Variants in SMC5 observed in about 807,000 individuals in gnomAD.
The protein encoded by SMC5 is structural maintenance of chromosomes 5, also known as structural maintenance of chromosomes protein 5.
A neutral mutation model predicts 148.3 loss-of-function variants in SMC5; 88 were observed. The observed-to-expected ratio is 0.59, with a 90% CI of 0.50 to 0.71. The LOEUF (loss-of-function observed/expected upper bound fraction) is 0.71. Ranked by LOEUF, SMC5 falls within the 30% of genes least tolerant of loss-of-function variation. SMC5 has a pLI of 0.00. For synonymous variants in SMC5, 421 were observed against 432.8 expected, an observed-to-expected ratio of 0.97 and a Z score of 0.34; for missense variants, 1,142 against 1,298.9, an observed-to-expected ratio of 0.88 and a Z score of 1.86.
chr9:70,280,022 A>AT, intron 5 of SMC5, among the ~76,000 whole-genome samples: 1 of 152,180 alleles, frequency 6.6e-6, no homozygotes, highest in South Asian at 2.1e-4. Context: ...ATTAAATGTT[A>AT]TTTTTTACCT....
intron 17 of SMC5, among the ~76,000 whole-genome samples, chr9:70,326,840 CTG>C (rs1295362676): frequency 6.6e-6 from 1 of 151,508 alleles, no homozygotes; most frequent in East Asian, 1.9e-4. Flanking sequence ...CTATAAAACA[CTG>C]TAATGATTCT....
intron 8 of SMC5, chr9:70,286,717 CTTTT>C (rs34919823): frequency 4.3e-5 from 5 of 117,466 alleles, no homozygotes; most frequent in Non-Finnish European, 7.0e-5. Flanking sequence ...AACTTTTCGT[CTTTT>C]TTTTTTTTTT....
At chr9:70,345,624 T>C (rs1427006650) in intron 18 of SMC5, among the ~76,000 whole-genome samples, 2 of 151,744 alleles carry the variant, frequency 1.3e-5, no homozygotes, top group East Asian at 3.9e-4. Flanking sequence ...ATAAAAGGAA[T>C]CTCATTGGGG....
rs748698258 is a variant in SMC5, at chr9:70,278,673, T to A, written c.678+48T>A. On this transcript the variant is annotated intron_variant, in intron 5 of 24. Coordinates refer to ENST00000361138, the MANE Select transcript of SMC5 (RefSeq NM_015110.4). ...TTGTATTGTTTCTTATTGATTTCTG[T>A]ATCTCAGAACATGGGAGAGAGAGTA... 10 of 1,546,326 alleles carry A rather than the reference T, an allele frequency of 6.5e-6. No homozygotes were observed. In the South Asian group the frequency reaches 8.6e-5, roughly 13 times the overall value.
chr9:70,298,303 T>A, intron 9 of SMC5, 82 bp downstream of exon 9: 1 of 1,430,954 alleles, frequency 7.0e-7, no homozygotes, highest in Admixed American at 2.4e-5. Flanking sequence ...CTTCTATAAT[T>A]ATTTCTATAA....
chr9:70,326,204 A>G (rs1388762503), intron 17 of SMC5, among the ~76,000 whole-genome samples: 1 of 152,100 alleles, frequency 6.6e-6, no homozygotes, highest in African/African-American at 2.4e-5. Context: ...GAGATTGAGA[A>G]AGCTTTAAAA....
intron 17 of SMC5, among the ~76,000 whole-genome samples, chr9:70,338,148 C>G (rs1350810143): frequency 6.6e-6 from 1 of 151,932 alleles, no homozygotes; most frequent in Non-Finnish European, 1.5e-5. Context: ...TTCCAGGTAT[C>G]TAGGACTACA....
intron 20 of SMC5, 35 bp downstream of exon 20, chr9:70,347,196 A>G (rs750048778): frequency 4.7e-6 from 7 of 1,474,888 alleles, no homozygotes; most frequent in Admixed American, 1.7e-5. Context: ...TCTGCATCCA[A>G]CCACCACCAC....
rs2034731240 is a variant in SMC5, at chr9:70,280,835, G to A, written c.755G>A (p.Arg252Lys). 3 of 1,613,810 alleles carry A rather than the reference G, an allele frequency of 1.9e-6. No individual in the cohort carries two copies. The highest frequency in any genetic ancestry group is 1.3e-5 in the African/African-American group (1 of 74,906). Residue 252 changes from arginine to lysine, a missense_variant, in exon 6 of 25, where the codon AGG becomes AAG. Arg to Lys is a conservative substitution (Grantham distance 26). Around this residue, in one of 5 missense-constraint regions of SMC5, gnomAD observed 297 missense variants for 302.6 expected, o/e 0.98. Transcript: ENST00000361138. Reference sequence around the variant, plus strand: ...GAAAGATATAAACAAGATGTGGAGAGGTTCTATGAACGGAAGCGACATTTA... The same window carrying A: ...GAAAGATATAAACAAGATGTGGAGAAGTTCTATGAACGGAAGCGACATTTA... ...RNERYKQDVE[R>K]FYERKRHLDL...
rs1587687885 is a variant in SMC5, at chr9:70,318,982, A to C, written c.2150+19A>C. Reference sequence around the variant, plus strand: ...TAGGAAGGTATCTTTTAGCCTATTCAGGGGGGAGAGCACAAATTACTGTAT... The same window carrying C: ...TAGGAAGGTATCTTTTAGCCTATTCCGGGGGGAGAGCACAAATTACTGTAT... On this transcript the variant is annotated intron_variant, in intron 15 of 24. Transcript: ENST00000361138. The C allele has an allele frequency of 6.3e-7, 1 of 1,585,868 alleles. No individual in the cohort carries two copies. The highest frequency in any genetic ancestry group is 1.4e-5 in the African/African-American group (1 of 73,186).
At chr9:70,294,045 C>T (rs2035133382) in intron 8 of SMC5, among the ~76,000 whole-genome samples, 1 of 151,998 alleles carries the variant, frequency 6.6e-6, no homozygotes, top group Non-Finnish European at 1.5e-5. Flanking sequence ...TAGGTAGCTA[C>T]ATGGAGTCTC....
chr9:70,346,328 G>C (rs2118829612), intron 18 of SMC5: 1 of 426,586 alleles, frequency 2.3e-6, no homozygotes, highest in East Asian at 3.6e-5. Context: ...ATCTTTTTCA[G>C]GGTTTCAGGA....
At chr9:70,334,662 CTT>C (rs1278509320) in intron 17 of SMC5, among the ~76,000 whole-genome samples, 2 of 151,984 alleles carry the variant, frequency 1.3e-5, no homozygotes, top group African/African-American at 2.4e-5. Flanking sequence ...GTGACAGAGA[CTT>C]TATATGGCCC....
At chr9:70,271,528 G>C (rs1207117748) in intron 3 of SMC5, among the ~76,000 whole-genome samples, 1 of 152,154 alleles carries the variant, frequency 6.6e-6, no homozygotes, top group African/African-American at 2.4e-5. Context: ...TATTTATTGA[G>C]TACCTATACA....
chr9:70,319,617 A>G (rs1442347959), intron 15 of SMC5, among the ~76,000 whole-genome samples: 2 of 152,220 alleles, frequency 1.3e-5, no homozygotes, highest in East Asian at 3.8e-4. Context: ...TTAATACTAC[A>G]TCAAAATTTG....
intron 8 of SMC5, among the ~76,000 whole-genome samples, chr9:70,289,802 T>C (rs2035010478): frequency 6.6e-6 from 1 of 151,840 alleles, no homozygotes. Flanking sequence ...AAAAAAAAAT[T>C]AGGAAGCTTA....
chr9:70,339,876 A>G (rs577659980), intron 17 of SMC5, among the ~76,000 whole-genome samples: 3 of 152,312 alleles, frequency 2.0e-5, no homozygotes, highest in South Asian at 4.1e-4. Flanking sequence ...TAATGTCACT[A>G]ACTTATGGGC....
intron 12 of SMC5, 75 bp downstream of exon 12, chr9:70,314,911 A>T (rs563659218): frequency 1.1e-5 from 11 of 965,648 alleles, no homozygotes; most frequent in Non-Finnish European, 1.7e-5. Flanking sequence ...ATAAGCTATT[A>T]CAAGCTGTAT....
intron 3 of SMC5, among the ~76,000 whole-genome samples, chr9:70,272,889 A>G (rs991136005): frequency 1.3e-5 from 2 of 152,196 alleles, no homozygotes; most frequent in Non-Finnish European, 2.9e-5. Flanking sequence ...GATACTGCTG[A>G]TAGGTCAAGT....
Sources: gnomAD v4.1 joint callset for allele counts (sites outside exome capture counted in the v4.1 genomes callset) on GRCh38, gnomAD v4.1.1 for gene constraint, gnomAD v4.1.1 regional missense constraint, MANE v1.5 for transcripts, NCBI Gene and HGNC (gene_info 2026-07-23, HGNC 2026-07-21) for gene names.